COL22A1: variants seen among roughly 807,000 people sequenced by gnomAD.
The protein encoded by COL22A1 is collagen type XXII alpha 1 chain.
A neutral mutation model predicts 248.9 loss-of-function variants in COL22A1; 221 were observed. The ratio of observed to expected loss-of-function variants is 0.89; its 90% CI spans 0.80 to 0.99. The LOEUF (loss-of-function observed/expected upper bound fraction) is 0.99, where lower values mean the gene tolerates loss of function less well. Among genes scored for constraint, COL22A1 ranks in the 50% least tolerant of loss-of-function variants. COL22A1 has a pLI of 0.00. For missense variants in COL22A1, 2,240 were observed against 2,179.0 expected (o/e 1.03, Z -0.56); for synonymous variants, 891 against 793.4 (o/e 1.12, Z -2.07).
At chr8:138,872,198 G>A (rs891197207) in intron 3 of COL22A1, among the ~76,000 whole-genome samples, 2 of 152,168 alleles carry the variant, frequency 1.3e-5, no homozygotes, top group Non-Finnish European at 2.9e-5. Flanking sequence ...ACCCTCAGTC[G>A]TATTGGCAAG....
At chr8:138,696,533 C>G (rs1434198924) in intron 32 of COL22A1, among the ~76,000 whole-genome samples, 1 of 152,232 alleles carries the variant, frequency 6.6e-6, no homozygotes, top group Non-Finnish European at 1.5e-5. Context: ...CTTTCTCTCT[C>G]TATGTCTCTG....
intron 2 of COL22A1, among the ~76,000 whole-genome samples, chr8:138,880,354 G>A (rs542362034): frequency 6.6e-6 from 1 of 152,166 alleles, no homozygotes; most frequent in Non-Finnish European, 1.5e-5. Context: ...GTGTGTGCAC[G>A]CGCGATTGTG....
intron 41 of COL22A1, among the ~76,000 whole-genome samples, chr8:138,669,532 G>C (rs190262170): frequency 5.1e-4 from 77 of 152,260 alleles, no homozygotes; most frequent in African/African-American, 1.8e-3. Flanking sequence ...CTGTCTTCTC[G>C]CTTAGAAACA....
At chr8:138,700,198 T>G in intron 31 of COL22A1, 54 bp from the exon 32 acceptor site, 1 of 1,576,764 alleles carries the variant, frequency 6.3e-7, no homozygotes, top group Non-Finnish European at 8.7e-7. Flanking sequence ...ACCCAGTGTT[T>G]CATTTTTAAA....
intron 44 of COL22A1, among the ~76,000 whole-genome samples, chr8:138,658,277 T>G (rs1182862760): frequency 6.6e-6 from 1 of 152,222 alleles, no homozygotes; most frequent in Non-Finnish European, 1.5e-5. Flanking sequence ...GCCTGGTTCC[T>G]GGGAATTACC....
intron 36 of COL22A1, 66 bp from the exon 37 acceptor site, chr8:138,689,036 AC>A: frequency 7.6e-7 from 1 of 1,318,250 alleles, no homozygotes; most frequent in Non-Finnish European, 1.1e-6. Context: ...GTGGCTCGTG[AC>A]CCCCAGGGAA....
Position 138,593,418 on chromosome 8 carries a change from A to C in COL22A1, c.4615+599T>G, listed in dbSNP as rs117975437. ...AAAAAAAAACCTTTTGTTAAAAAAA[A>C]AGTTTTTAAATTTATTTTTTAATCC... On this transcript the variant is annotated intron_variant, in intron 63 of 64. Transcript: ENST00000303045. Among the ~76,000 whole-genome samples the C allele has an allele frequency of 3.4e-4, 52 of 152,302 alleles. No homozygotes were observed. The East Asian group carries it at 9.5e-3, about 28-fold the overall frequency.
chr8:138,798,044 T>C (rs1227794063), intron 11 of COL22A1, among the ~76,000 whole-genome samples: 3 of 151,772 alleles, frequency 2.0e-5, no homozygotes, highest in African/African-American at 7.2e-5. Context: ...CCTATTTGTC[T>C]CTTTGAATAC....
chr8:138,672,899 TA>T (rs1487987131), intron 41 of COL22A1, among the ~76,000 whole-genome samples: 1 of 152,200 alleles, frequency 6.6e-6, no homozygotes, highest in Non-Finnish European at 1.5e-5. Context: ...TCAGTCAAAC[TA>T]ATTTGGACTT....
At position 138,662,054 on chromosome 8, in the gene COL22A1, G is replaced by A; in HGVS notation, c.3216C>T (p.Gly1072=). The change falls in exon 43 of 65, where the codon GGC becomes GGT. Residue 1072 remains glycine (G), a synonymous_variant. Transcript: ENST00000303045. ...PGSRGLPGFP[G]PQGPAGRDGA... is the part of the protein sequence containing the mutation. ...CGTCCCGGCCGGCTGGGCCCTGGGG[G>A]CCAGGGAATCCAGGTAAGCCTCGTG... 6.2e-7 allele frequency: 1 copy of A among 1,612,284 alleles called. No homozygotes were observed. The highest frequency in any genetic ancestry group is 8.5e-7 in the Non-Finnish European group (1 of 1,179,160).
chr8:138,636,195 T>C (rs1447520868), intron 48 of COL22A1, among the ~76,000 whole-genome samples: 1 of 151,726 alleles, frequency 6.6e-6, no homozygotes. Context: ...TTGTGCTGGA[T>C]AGAGGATGAT....
chr8:138,724,077 G>A (rs535371888), intron 25 of COL22A1, among the ~76,000 whole-genome samples: 76 of 152,262 alleles, frequency 5.0e-4, no homozygotes, highest in African/African-American at 1.7e-3. Flanking sequence ...CTCAGCCCAC[G>A]TCATCCATCA....
At chr8:138,642,859 T>C (rs1410615626) in intron 47 of COL22A1, among the ~76,000 whole-genome samples, 1 of 151,962 alleles carries the variant, frequency 6.6e-6, no homozygotes, top group Non-Finnish European at 1.5e-5. Flanking sequence ...TGAAACCCCA[T>C]CTCTACTAAA....
chr8:138,692,008 G>T (rs1344123463), intron 35 of COL22A1, among the ~76,000 whole-genome samples: 1 of 150,354 alleles, frequency 6.7e-6, no homozygotes. Context: ...ATGTGTGCAT[G>T]TTTCTGGAGG....
intron 46 of COL22A1, among the ~76,000 whole-genome samples, chr8:138,647,422 A>C (rs1406921827): frequency 6.6e-6 from 1 of 152,238 alleles, no homozygotes; most frequent in Non-Finnish European, 1.5e-5. Context: ...AGCAATCTGT[A>C]ATGTAGTGAT....
intron 16 of COL22A1, among the ~76,000 whole-genome samples, chr8:138,773,205 C>T (rs1319389183): frequency 6.6e-6 from 1 of 152,236 alleles, no homozygotes; most frequent in Non-Finnish European, 1.5e-5. Flanking sequence ...GGAACCACCA[C>T]AGGCCCCTGA....
intron 16 of COL22A1, among the ~76,000 whole-genome samples, chr8:138,764,882 G>A (rs934400393): frequency 6.6e-6 from 1 of 152,188 alleles, no homozygotes; most frequent in Non-Finnish European, 1.5e-5. Context: ...CATGAACCTG[G>A]GAGGCAGAGG....
At chr8:138,621,669 A>G (rs528969979) in intron 52 of COL22A1, among the ~76,000 whole-genome samples, 17 of 152,160 alleles carry the variant, frequency 1.1e-4, no homozygotes, top group Non-Finnish European at 2.2e-4. Flanking sequence ...GCCCTTGATC[A>G]AGCTATTATC....
chr8:138,691,846 G>GTGTGTGTA (rs1564200231), intron 35 of COL22A1, among the ~76,000 whole-genome samples: 1 of 66,420 alleles, frequency 1.5e-5, no homozygotes. Flanking sequence ...ATGTGGAGGT[G>GTGTGTGTA]TGTGTGCACG....
Sources: gnomAD v4.1 joint callset for allele counts (sites outside exome capture counted in the v4.1 genomes callset) on GRCh38, gnomAD v4.1.1 for gene constraint, MANE v1.5 for transcripts, NCBI Gene and HGNC (gene_info 2026-07-23, HGNC 2026-07-21) for gene names.